ZEB1: variants seen among roughly 807,000 people sequenced by gnomAD.
ZEB1 encodes the protein zinc finger E-box binding homeobox 1.
In ZEB1, 21 loss-of-function variants were observed where a neutral mutation model predicts 84.9. That is an observed-to-expected ratio of 0.25 (90% CI 0.18 to 0.36). The LOEUF (loss-of-function observed/expected upper bound fraction) is 0.36, where lower values mean the gene tolerates loss of function less well. Ranked by LOEUF, ZEB1 falls within the 10% of genes least tolerant of loss-of-function variation. ZEB1 has a pLI of 1.00. For synonymous variants in ZEB1, 420 were observed against 471.1 expected, an observed-to-expected ratio of 0.89 and a Z score of 1.41; for missense variants, 1,104 against 1,330.2, an observed-to-expected ratio of 0.83 and a Z score of 2.65.
At position 31,502,337 on chromosome 10, in the gene ZEB1, A is replaced by AT. The variant is rs746202315; in HGVS notation, c.323-3dup. On this transcript the variant is annotated splice_polypyrimidine_tract_variant and intron_variant, in intron 3 of 8. Transcript: ENST00000424869. ...TGAGATTGCTGTCTTAAAAGTATGC[A>AT]TTTTTTTTAGTAAAAGATGATGAAT... 62 of 1,612,022 alleles carry AT rather than the reference A, an allele frequency of 3.8e-5. No homozygotes were observed. Among genetic ancestry groups the AT allele is most frequent in the African/African-American group, 2.0e-4 (15 of 74,918 alleles).
chr10:31,363,923 G>A, intron 1 of ZEB1: 2 of 1,311,412 alleles, frequency 1.5e-6, no homozygotes, highest in Non-Finnish European at 2.0e-6. Flanking sequence ...GCAGGCACAG[G>A]TGCAGGAGCT....
chr10:31,407,345 G>A (rs968943832), intron 1 of ZEB1, among the ~76,000 whole-genome samples: 8 of 147,970 alleles, frequency 5.4e-5, no homozygotes, highest in Admixed American at 2.0e-4. Flanking sequence ...AACATGCGGT[G>A]TTTGGTTTTT....
At chr10:31,347,395 G>A (rs1290910103) in intron 1 of ZEB1, among the ~76,000 whole-genome samples, 2 of 152,066 alleles carry the variant, frequency 1.3e-5, no homozygotes, top group Non-Finnish European at 2.9e-5. Context: ...AATGTTTTTA[G>A]AGATGAGGTC....
In ZEB1 at chr10:31,457,848, C is replaced by T. The variant is rs1439813901; in HGVS notation, c.59-3189C>T. On this transcript the variant is annotated intron_variant, in intron 1 of 8. Transcript: ENST00000424869. ...TAAAGCCTAATTTGGGGGAAGTTTT[C>T]AAGCCCAAAATACTCTAGATATAAA... Among the ~76,000 whole-genome samples the T allele has an allele frequency of 2.6e-5, 4 of 152,202 alleles. 1 individual carries two copies. Among genetic ancestry groups the T allele is most frequent in the Admixed American group, 2.0e-4 (3 of 15,268 alleles).
At chr10:31,383,652 C>T (rs1275480162) in intron 1 of ZEB1, among the ~76,000 whole-genome samples, 2 of 152,182 alleles carry the variant, frequency 1.3e-5, no homozygotes, top group Non-Finnish European at 2.9e-5. Flanking sequence ...TTTAAACTTA[C>T]ATCTGTTTAA....
rs550150799 is a variant in ZEB1, at chr10:31,408,977, A to C, written c.59-52060A>C. 7.8e-3 allele frequency among the ~76,000 whole-genome samples: 1,183 copies of C among 151,288 alleles called. 8 individuals carry two copies. Among genetic ancestry groups the C allele is most frequent in the Non-Finnish European group, 0.012 (828 of 67,542 alleles). On this transcript the variant is annotated intron_variant, in intron 1 of 8. Transcript: ENST00000424869. Reference sequence around the variant, plus strand: ...ACAGGCAACCTACAAAATGGGAGAAAATTTTTGCAACCTACTCATCTGACA... The same window carrying C: ...ACAGGCAACCTACAAAATGGGAGAACATTTTTGCAACCTACTCATCTGACA...
chr10:31,398,858 C>A (rs1020489538), intron 1 of ZEB1, among the ~76,000 whole-genome samples: 1 of 152,098 alleles, frequency 6.6e-6, no homozygotes, highest in African/African-American at 2.4e-5. Context: ...GCCTCCCCAT[C>A]TCCAAATTGG....
intron 1 of ZEB1, among the ~76,000 whole-genome samples, chr10:31,360,275 A>G (rs1379783021): frequency 1.3e-5 from 2 of 152,210 alleles, no homozygotes; most frequent in Non-Finnish European, 2.9e-5. Context: ...CTAGACAAAC[A>G]TGATGGGAAT....
chr10:31,350,697 T>G (rs1195843967), intron 1 of ZEB1, among the ~76,000 whole-genome samples: 1 of 152,200 alleles, frequency 6.6e-6, no homozygotes, highest in Non-Finnish European at 1.5e-5. Context: ...TGTTAATTCC[T>G]AATAGCCTGT....
chr10:31,338,611 CCCTTTG>C (rs1346453207), intron 1 of ZEB1, among the ~76,000 whole-genome samples: 1 of 152,064 alleles, frequency 6.6e-6, no homozygotes, highest in African/African-American at 2.4e-5. Flanking sequence ...TTATATTATT[CCCTTTG>C]TTTGATCTGA....
In ZEB1 at chr10:31,527,791, A is replaced by C. The variant is rs2073761491; in HGVS notation, c.*527A>C. 3.8e-5 allele frequency: 6 copies of C among 159,582 alleles called. No individual in the cohort carries two copies. Among genetic ancestry groups the C allele is most frequent in the Admixed American group, 3.6e-4 (6 of 16,738 alleles). 9.9% of individuals were successfully genotyped at this position (159,582 alleles called of 1,614,324 possible). A position where few individuals can be genotyped will look rare whatever the true frequency, so the allele number is the denominator to read the frequency against. ...CACTACAAAATTCCCTTCACAGAGA[A>C]GTATAATGTAGTTCCAACCCGTGCT... On this transcript the variant is annotated 3_prime_UTR_variant, in exon 9 of 9. Transcript: ENST00000424869.
Position 31,458,168 on chromosome 10 carries a change from A to G in ZEB1, c.59-2869A>G, listed in dbSNP as rs10491080. Among the ~76,000 whole-genome samples, 2,790 of 152,246 alleles carry G rather than the reference A, an allele frequency of 0.018. 197 individuals are homozygous for G. The East Asian group carries it at 0.23, about 12-fold the overall frequency. ...GTATAGAATTGATTAATCCTCAGCA[A>G]ATACTTACCATGTTCTAATTTTAGC... On this transcript the variant is annotated intron_variant, in intron 1 of 8. Transcript: ENST00000424869.
chr10:31,439,021 A>T (rs2058597707), intron 1 of ZEB1, among the ~76,000 whole-genome samples: 1 of 152,168 alleles, frequency 6.6e-6, no homozygotes, highest in African/African-American at 2.4e-5. Flanking sequence ...TATCTTTAAA[A>T]TTTTTTTAAA....
chr10:31,460,899 T>C (rs2061731163), intron 1 of ZEB1, 138 bp from the exon 2 acceptor site: 2 of 757,990 alleles, frequency 2.6e-6, no homozygotes, highest in Non-Finnish European at 4.4e-6. Flanking sequence ...TGTTGTCAAA[T>C]AAATTAGTTG....
intron 1 of ZEB1, among the ~76,000 whole-genome samples, chr10:31,335,253 A>G (rs1438538555): frequency 6.6e-6 from 1 of 152,132 alleles, no homozygotes; most frequent in African/African-American, 2.4e-5. Flanking sequence ...TCCACACTGT[A>G]TATGCTACCT....
At chr10:31,446,994 G>C (rs544951975) in intron 1 of ZEB1, among the ~76,000 whole-genome samples, 18 of 151,762 alleles carry the variant, frequency 1.2e-4, no homozygotes, top group African/African-American at 4.4e-4. Flanking sequence ...TCGTTGATCT[G>C]TCTAATGTTG....
At chr10:31,510,983 C>T in intron 5 of ZEB1, 108 bp downstream of exon 5, 2 of 1,026,982 alleles carry the variant, frequency 1.9e-6, no homozygotes. Flanking sequence ...ATGTACTAAA[C>T]AGTGCTATAT....
intron 1 of ZEB1, among the ~76,000 whole-genome samples, chr10:31,416,308 A>G (rs2055202834): frequency 6.6e-6 from 1 of 151,112 alleles, no homozygotes; most frequent in African/African-American, 2.5e-5. Flanking sequence ...AGCTATTGAT[A>G]TAATTGAATG....
chr10:31,406,740 G>C (rs2053143204), intron 1 of ZEB1, among the ~76,000 whole-genome samples: 1 of 152,004 alleles, frequency 6.6e-6, no homozygotes, highest in South Asian at 2.1e-4. Flanking sequence ...CATTGCTTTT[G>C]GTGTTTTGTT....
Sources: gnomAD v4.1 joint callset for allele counts (sites outside exome capture counted in the v4.1 genomes callset) on GRCh38, gnomAD v4.1.1 for gene constraint, MANE v1.5 for transcripts, NCBI Gene and HGNC (gene_info 2026-07-23, HGNC 2026-07-21) for gene names.